Variants in DIS3L2 observed in about 807,000 individuals in gnomAD.
DIS3L2 encodes the protein DIS3-like exonuclease 2.
DIS3L2 carries 34 observed loss-of-function variants against 97.5 expected under a neutral mutation model. That is an observed-to-expected ratio of 0.35 (90% CI 0.27 to 0.46). DIS3L2 has a LOEUF of 0.46. DIS3L2 is among the 20% of genes least tolerant of loss of function. The pLI is 1.00. For synonymous variants in DIS3L2, 435 were observed against 445.2 expected (o/e 0.98, Z 0.29); for missense variants, 1,038 against 1,146.0 (o/e 0.91, Z 1.36).
rs750351609 is a variant in DIS3L2, at chr2:232,014,898, C to T, written c.-30C>T. 1.9e-6 allele frequency: 3 copies of T among 1,612,754 alleles called. No individual in the cohort carries two copies. Among genetic ancestry groups the T allele is most frequent in the Non-Finnish European group, 2.5e-6 (3 of 1,179,372 alleles). On this transcript the variant is annotated 5_prime_UTR_variant, in exon 2 of 21. Transcript: ENST00000325385. ...CTAAGCAGTGGAGGTTTCTCTGGAT[C>T]TGGAGAGAAGAGTGACCTTGGAGCC...
intron 1 of DIS3L2, among the ~76,000 whole-genome samples, chr2:231,992,422 G>A (rs183219713): frequency 6.4e-4 from 97 of 152,140 alleles, no homozygotes; most frequent in African/African-American, 2.0e-3. Context: ...TGGCTCCACC[G>A]TGTCACCTCT....
intron 10 of DIS3L2, among the ~76,000 whole-genome samples, chr2:232,232,230 TGGGAG>T (rs1412216083): frequency 3.4e-5 from 5 of 148,760 alleles, no homozygotes; most frequent in African/African-American, 1.2e-4. Flanking sequence ...GACCATGGGA[TGGGAG>T]GGGTGGGCAA....
At chr2:232,342,809 C>T (rs915361050) in intron 13 of DIS3L2, among the ~76,000 whole-genome samples, 6 of 152,198 alleles carry the variant, frequency 3.9e-5, no homozygotes, top group African/African-American at 1.2e-4. Flanking sequence ...CCTGGGAGCC[C>T]AGGGTGAGGG....
At chr2:232,244,353 G>A (rs1017885650) in intron 11 of DIS3L2, among the ~76,000 whole-genome samples, 1 of 152,128 alleles carries the variant, frequency 6.6e-6, no homozygotes, top group Non-Finnish European at 1.5e-5. Flanking sequence ...TGGTTTTGAG[G>A]GAGGGGTGGT....
intron 10 of DIS3L2, among the ~76,000 whole-genome samples, chr2:232,227,241 C>A (rs188534839): frequency 2.6e-5 from 4 of 152,188 alleles, no homozygotes; most frequent in African/African-American, 7.2e-5. Flanking sequence ...AAATTGAGAG[C>A]GCTTGTAGTC....
intron 14 of DIS3L2, among the ~76,000 whole-genome samples, chr2:232,326,340 G>A (rs958802747): frequency 4.2e-5 from 6 of 144,534 alleles, no homozygotes; most frequent in Non-Finnish European, 9.2e-5. Flanking sequence ...CGTGGTGCCA[G>A]GTCCCATTTG....
intron 13 of DIS3L2, among the ~76,000 whole-genome samples, chr2:232,298,155 A>G (rs768727822): frequency 5.3e-5 from 8 of 152,110 alleles, no homozygotes; most frequent in Middle Eastern, 3.2e-3. Flanking sequence ...CTGCTATTCC[A>G]TGTGTGACTA....
chr2:232,341,970 C>G (rs61323729), downstream of DIS3L2, among the ~76,000 whole-genome samples: 20,157 of 152,204 alleles, frequency 0.13, 2,202 homozygotes, highest in African/African-American at 0.3. Context: ...TCAGTACACA[C>G]AGGCAGTCCC....
chr2:232,243,018 A>C (rs1693145831), intron 11 of DIS3L2, among the ~76,000 whole-genome samples: 1 of 152,182 alleles, frequency 6.6e-6, no homozygotes, highest in African/African-American at 2.4e-5. Flanking sequence ...CAGGTAGCAA[A>C]CACTTGCAAT....
chr2:232,085,119 A>G (rs1307591129), intron 5 of DIS3L2, among the ~76,000 whole-genome samples: 7 of 152,206 alleles, frequency 4.6e-5, no homozygotes, highest in Admixed American at 6.5e-5. Context: ...TGAAACTGCT[A>G]GAGCTCTCTT....
intron 5 of DIS3L2, among the ~76,000 whole-genome samples, chr2:232,071,743 T>C (rs1466034347): frequency 6.6e-6 from 1 of 152,164 alleles, no homozygotes; most frequent in Admixed American, 6.5e-5. Context: ...TCTCACTATG[T>C]TGCCCAGGTT....
chr2:232,341,691 T>C (rs1696103929), downstream of DIS3L2, among the ~76,000 whole-genome samples: 2 of 152,310 alleles, frequency 1.3e-5, no homozygotes, highest in African/African-American at 2.4e-5. Context: ...TGAAGATGAC[T>C]GTAAACTCTC....
intron 5 of DIS3L2, among the ~76,000 whole-genome samples, chr2:232,069,696 C>G (rs1009407837): frequency 6.6e-6 from 1 of 152,100 alleles, no homozygotes; most frequent in Admixed American, 6.5e-5. Context: ...TTACTGGGAT[C>G]TCTAAGAGGA....
chr2:232,015,736 G>GT, intron 3 of DIS3L2, 65 bp downstream of exon 3: 2 of 1,574,384 alleles, frequency 1.3e-6, no homozygotes, highest in African/African-American at 2.7e-5. Context: ...CTATTAAACT[G>GT]TTTCCTGTTC....
intron 1 of DIS3L2, among the ~76,000 whole-genome samples, chr2:231,988,440 G>A (rs933704742): frequency 1.3e-5 from 2 of 152,194 alleles, no homozygotes; most frequent in Admixed American, 1.3e-4. Context: ...TGACTTAGAG[G>A]TCATCAAGCT....
intron 14 of DIS3L2, among the ~76,000 whole-genome samples, chr2:232,305,490 A>G (rs897758965): frequency 6.6e-6 from 1 of 151,986 alleles, no homozygotes; most frequent in Non-Finnish European, 1.5e-5. Context: ...TATGATTTCT[A>G]TTCTTTCTTT....
In DIS3L2 at chr2:232,211,283, T is replaced by TTG. The variant is rs1248727394; in HGVS notation, c.1204+878_1204+879insTG. Among the ~76,000 whole-genome samples the TTG allele has an allele frequency of 5.4e-3, 822 of 152,230 alleles. 3 individuals carry two copies. Among genetic ancestry groups the TTG allele is most frequent in the African/African-American group, 9.3e-3 (388 of 41,542 alleles). On this transcript the variant is annotated intron_variant, in intron 10 of 20. Transcript: ENST00000325385. The stretch of plus-strand genomic sequence containing the variant: ...CCTCAGCCTCTCAAGTAGCTGAGAC[T>TTG]ACAGGTGTGTGCCACCAAGCCTGGC...
intron 13 of DIS3L2, among the ~76,000 whole-genome samples, chr2:232,296,774 G>A (rs1694735588): frequency 6.6e-6 from 1 of 152,226 alleles, no homozygotes; most frequent in South Asian, 2.1e-4. Context: ...GTATTTATTA[G>A]CAGTGTGAGA....
At chr2:232,028,143 G>A (rs1694710432) in intron 4 of DIS3L2, among the ~76,000 whole-genome samples, 2 of 152,178 alleles carry the variant, frequency 1.3e-5, no homozygotes, top group East Asian at 1.9e-4. Context: ...CCTTCCCCCA[G>A]TCCTCTAAGT....
Sources: allele counts gnomAD v4.1 joint callset (sites outside exome capture counted in the v4.1 genomes callset), GRCh38; gene constraint gnomAD v4.1.1; transcripts MANE v1.5; gene names NCBI Gene and HGNC (gene_info 2026-07-23, HGNC 2026-07-21).